The following CNTNAP2 variants were observed in gnomAD, a reference collection of about 807,000 sequenced individuals.
CNTNAP2 encodes contactin associated protein 2, also known as contactin-associated protein-like 2.
In CNTNAP2, 98 loss-of-function variants were observed where a neutral mutation model predicts 155.2. The ratio of observed to expected loss-of-function variants is 0.63; its 90% confidence interval spans 0.54 to 0.75. CNTNAP2 has a LOEUF of 0.75. Ranked by LOEUF, CNTNAP2 falls within the 30% of genes least tolerant of loss-of-function variation. The pLI, the probability that CNTNAP2 is intolerant of heterozygous loss-of-function variation, is 0.00. For missense variants in CNTNAP2, 1,727 were observed against 1,688.1 expected (o/e 1.02, Z -0.40); for synonymous variants, 651 against 631.2 (o/e 1.03, Z -0.47).
intron 13 of CNTNAP2, among the ~76,000 whole-genome samples, chr7:147,841,394 C>T (rs898717285): frequency 1.3e-5 from 2 of 152,120 alleles, no homozygotes; most frequent in African/African-American, 2.4e-5. Context: ...TGTGTGAGAA[C>T]TGACTAGATA....
At chr7:146,478,535 T>G (rs1399112627) in intron 1 of CNTNAP2, among the ~76,000 whole-genome samples, 1 of 151,870 alleles carries the variant, frequency 6.6e-6, no homozygotes, top group Non-Finnish European at 1.5e-5. Context: ...ATAGGTTAAT[T>G]TGACTAAATA....
At chr7:147,114,271 A>T (rs1413838941) in intron 5 of CNTNAP2, among the ~76,000 whole-genome samples, 1 of 152,142 alleles carries the variant, frequency 6.6e-6, no homozygotes, top group Non-Finnish European at 1.5e-5. Context: ...TAGTGATGAG[A>T]AGTATGCATA....
intron 15 of CNTNAP2, among the ~76,000 whole-genome samples, chr7:147,990,918 C>T (rs1251536190): frequency 1.3e-5 from 2 of 152,130 alleles, no homozygotes; most frequent in Non-Finnish European, 2.9e-5. Context: ...GGAGATCAGG[C>T]TGATATCAGG....
At chr7:147,214,876 C>A (rs569003248) in intron 8 of CNTNAP2, among the ~76,000 whole-genome samples, 1 of 151,984 alleles carries the variant, frequency 6.6e-6, no homozygotes, top group South Asian at 2.1e-4. Flanking sequence ...TCCACATGGC[C>A]GGGGAGGCCT....
intron 13 of CNTNAP2, among the ~76,000 whole-genome samples, chr7:147,730,209 T>C (rs974230268): frequency 1.3e-5 from 2 of 152,086 alleles, no homozygotes; most frequent in African/African-American, 4.8e-5. Context: ...TCTTGAACAA[T>C]TACGGTCCTT....
chr7:147,648,559 G>A (rs192923985), intron 13 of CNTNAP2, among the ~76,000 whole-genome samples: 2 of 152,296 alleles, frequency 1.3e-5, no homozygotes, highest in Non-Finnish European at 2.9e-5. Context: ...GGCTGAGGAG[G>A]CCTCACAATC....
Position 146,122,356 on chromosome 7 carries a change from C to T in CNTNAP2, c.97+5383C>T, listed in dbSNP as rs552870475. On this transcript the variant is annotated intron_variant, in intron 1 of 23. Coordinates refer to ENST00000361727, the MANE Select transcript of CNTNAP2 (RefSeq NM_014141.6). ...TTTTAGAAATAAGGTTAATGAATCC[C>T]ACTGTATCACACATTTAAGCCTTAT... Among the ~76,000 whole-genome samples the T allele has an allele frequency of 4.6e-5, 7 of 152,284 alleles. No individual in the cohort carries two copies. In the East Asian group the frequency reaches 9.6e-4, roughly 21 times the overall value.
chr7:147,451,148 A>T (rs1265403023), intron 10 of CNTNAP2, among the ~76,000 whole-genome samples: 1 of 152,176 alleles, frequency 6.6e-6, no homozygotes, highest in African/African-American at 2.4e-5. Context: ...GAGGCAAAAA[A>T]CTACTCTGGA....
intron 15 of CNTNAP2, among the ~76,000 whole-genome samples, chr7:147,990,490 G>T (rs1248734901): frequency 6.6e-6 from 1 of 152,050 alleles, no homozygotes; most frequent in Non-Finnish European, 1.5e-5. Flanking sequence ...TCTGGTTGGA[G>T]GGGGGTTATC....
chr7:146,117,905 G>A (rs1797509866), intron 1 of CNTNAP2, among the ~76,000 whole-genome samples: 1 of 152,122 alleles, frequency 6.6e-6, no homozygotes, highest in East Asian at 1.9e-4. Flanking sequence ...ATTCATAAGC[G>A]CATACTAGTT....
chr7:147,071,583 T>C (rs1799892536), intron 4 of CNTNAP2, among the ~76,000 whole-genome samples: 1 of 152,206 alleles, frequency 6.6e-6, no homozygotes, highest in Admixed American at 6.5e-5. Context: ...AATCAGTGAA[T>C]ACTTGATAGG....
At position 146,922,904 on chromosome 7, in the gene CNTNAP2, G is replaced by A. The variant is rs141899617; in HGVS notation, c.402+83000G>A. ...TACGGGAAATGGGAGAAAAAAAGAC[G>A]AGTATGTAAAAGGTTTTACTTCTTA... is the stretch of plus-strand genomic sequence containing the variant. On this transcript the variant is annotated intron_variant, in intron 3 of 23. Transcript: ENST00000361727. 1.9e-3 allele frequency among the ~76,000 whole-genome samples: 282 copies of A among 152,202 alleles called. 5 individuals carry two copies. The East Asian group carries it at 0.027, about 15-fold the overall frequency.
chr7:148,227,678 C>T (rs1045513506), intron 19 of CNTNAP2, among the ~76,000 whole-genome samples: 2 of 152,158 alleles, frequency 1.3e-5, no homozygotes, highest in African/African-American at 4.8e-5. Context: ...ATCCAATCCA[C>T]GGTGCTTAGT....
intron 8 of CNTNAP2, among the ~76,000 whole-genome samples, chr7:147,282,283 A>C (rs1206998333): frequency 6.6e-6 from 1 of 151,924 alleles, no homozygotes; most frequent in Admixed American, 6.6e-5. Flanking sequence ...CAGCCACATG[A>C]AACTCCTTTC....
At chr7:146,735,140 C>T (rs1443349806) in intron 1 of CNTNAP2, among the ~76,000 whole-genome samples, 3 of 152,116 alleles carry the variant, frequency 2.0e-5, no homozygotes, top group Non-Finnish European at 4.4e-5. Flanking sequence ...ATACAGAAAG[C>T]ATACATCTTT....
At chr7:147,447,249 G>A (rs1797756109) in intron 10 of CNTNAP2, among the ~76,000 whole-genome samples, 1 of 152,038 alleles carries the variant, frequency 6.6e-6, no homozygotes, top group Admixed American at 6.6e-5. Context: ...ATGCTCTTGT[G>A]TACATGCTCT....
At chr7:146,498,315 A>G (rs1797249840) in intron 1 of CNTNAP2, among the ~76,000 whole-genome samples, 1 of 152,184 alleles carries the variant, frequency 6.6e-6, no homozygotes, top group African/African-American at 2.4e-5. Flanking sequence ...ATCTTCAATT[A>G]CTTCACAGAG....
At chr7:148,383,378 G>A (rs1462137170) in intron 21 of CNTNAP2, among the ~76,000 whole-genome samples, 2 of 152,050 alleles carry the variant, frequency 1.3e-5, no homozygotes, top group African/African-American at 4.8e-5. Flanking sequence ...TTTCGGCAGC[G>A]TCTGAAGTAG....
chr7:146,896,052 T>G (rs1315875658), intron 3 of CNTNAP2, among the ~76,000 whole-genome samples: 1 of 152,110 alleles, frequency 6.6e-6, no homozygotes, highest in Non-Finnish European at 1.5e-5. Context: ...CTTTTAAATT[T>G]AAGGTGATTT....
Sources: allele counts gnomAD v4.1 joint callset (sites outside exome capture counted in the v4.1 genomes callset), GRCh38; gene constraint gnomAD v4.1.1; transcripts MANE v1.5; gene names NCBI Gene and HGNC (gene_info 2026-07-23, HGNC 2026-07-21).